Variants in ABCA9 observed in about 807,000 individuals in gnomAD.
The protein encoded by ABCA9 is ATP binding cassette subfamily A member 9, also known as ATP-binding cassette sub-family A member 9.
ABCA9 carries 183 observed loss-of-function variants against 205.3 expected under a neutral mutation model. That is an observed-to-expected ratio of 0.89 (90% CI 0.79 to 1.01). The LOEUF (loss-of-function observed/expected upper bound fraction) is 1.01. Ranked by LOEUF, ABCA9 falls within the 50% of genes least tolerant of loss-of-function variation. The pLI is 0.00. For synonymous variants in ABCA9, 651 were observed against 683.3 expected, an observed-to-expected ratio of 0.95 and a Z score of 0.74; for missense variants, 1,805 against 1,912.4, an observed-to-expected ratio of 0.94 and a Z score of 1.05.
intron 22 of ABCA9, among the ~76,000 whole-genome samples, chr17:69,015,383 CAAG>C (rs370825000): frequency 1.2e-3 from 176 of 152,200 alleles, no homozygotes; most frequent in African/African-American, 4.1e-3. Flanking sequence ...TTCAACATAA[CAAG>C]ATGAAAGAGG....
At chr17:69,007,461 G>A (rs62085384) in intron 25 of ABCA9, among the ~76,000 whole-genome samples, 18 of 152,074 alleles carry the variant, frequency 1.2e-4, no homozygotes, top group South Asian at 2.1e-4. Flanking sequence ...TTACATTTCC[G>A]GTATGTGATC....
the ABCA9 span, among the ~76,000 whole-genome samples, chr17:69,070,476 G>A: frequency 2.0e-5 from 3 of 152,054 alleles, no homozygotes; most frequent in Non-Finnish European, 2.9e-5. Context: ...TGCCTCACCC[G>A]GGAAGAACAA....
intron 11 of ABCA9, among the ~76,000 whole-genome samples, chr17:69,028,945 C>T (rs1027249321): frequency 6.6e-6 from 1 of 151,624 alleles, no homozygotes; most frequent in Non-Finnish European, 1.5e-5. Context: ...TTTCATAATA[C>T]TATCATATAT....
At position 69,024,262 on chromosome 17, in the gene ABCA9, C is replaced by A. The variant is rs897035925; in HGVS notation, c.2233G>T (p.Glu745Ter). Residue 745 changes from glutamate (E) to a stop codon, truncating the protein, a stop_gained, in exon 17 of 39, where the codon GAA (glutamate) becomes TAA (stop). Coordinates refer to ENST00000340001, the MANE Select transcript of ABCA9 (RefSeq NM_080283.4). LOFTEE classifies it high-confidence loss of function. Reference protein sequence around the residue: ...SDAKLTAQSEEKLVYILPLER... With the variant: ...SDAKLTAQSE Reference sequence around the variant, plus strand: ...AAAGGCAAAATATATACAAGTTTTTCTTCACTTTGTGCTGTCAATTTGGCA... The same window carrying A: ...AAAGGCAAAATATATACAAGTTTTTATTCACTTTGTGCTGTCAATTTGGCA... The A allele has an allele frequency of 6.2e-7, 1 of 1,613,074 alleles. No homozygotes were observed. The highest frequency in any genetic ancestry group is 1.3e-5 in the African/African-American group (1 of 74,866).
rs546004891 is a variant in ABCA9 at position 69,020,483 on chromosome 17, T to G, written c.2505A>C (p.Thr835=). 8.2e-5 allele frequency: 133 copies of G among 1,613,988 alleles called. No individual in the cohort carries two copies. The highest frequency in any genetic ancestry group is 6.3e-4 in the Admixed American group (38 of 59,984). The change falls in exon 19 of 39, where the codon ACA becomes ACC. Residue 835 remains threonine, a synonymous_variant. Transcript: ENST00000340001. ...GCCTCCAGAGCGCCACGCCACTGAT[T>G]GTTTTCCTTGTTTCGTGGAAGGAAG... The part of the protein sequence containing the change: ...VLSSFHETRK[T]ISGVALWRQQ...
At chr17:69,039,661 T>C (rs1452090609) in intron 6 of ABCA9, among the ~76,000 whole-genome samples, 1 of 152,100 alleles carries the variant, frequency 6.6e-6, no homozygotes, top group East Asian at 1.9e-4. Context: ...ACTTCATGAC[T>C]AAAACACTGA....
upstream of ABCA9, among the ~76,000 whole-genome samples, chr17:69,061,687 T>G (rs1490645433): frequency 6.6e-6 from 1 of 152,250 alleles, no homozygotes; most frequent in Non-Finnish European, 1.5e-5. Context: ...AATTTTAGTA[T>G]GTCCTGCTTT....
chr17:68,999,121 TTTATTA>T (rs527773332), intron 25 of ABCA9, among the ~76,000 whole-genome samples: 181 of 148,322 alleles, frequency 1.2e-3, no homozygotes, highest in African/African-American at 4.5e-3. Flanking sequence ...GGTTTATCTT[TTTATTA>T]TTATTATTAT....
At chr17:68,985,944 GA>G (rs367959968) in intron 32 of ABCA9, among the ~76,000 whole-genome samples, 2,501 of 146,818 alleles carry the variant, frequency 0.017, 69 homozygotes, top group African/African-American at 0.058. Flanking sequence ...CGTCTCAAAA[GA>G]AAAAAAAAGG....
intron 22 of ABCA9, among the ~76,000 whole-genome samples, chr17:69,013,020 T>C (rs1321853839): frequency 6.6e-6 from 1 of 152,196 alleles, no homozygotes; most frequent in African/African-American, 2.4e-5. Flanking sequence ...GATCTCCAGT[T>C]CCATCTACGT....
At position 69,045,342 on chromosome 17, in the gene ABCA9, A is replaced by G. The variant is rs2071676390; in HGVS notation, c.305-6T>C. ...CCACCCCATGATTGTTCTTCCTGCC[A>G]TGTGAAGAAAACAAAAGAAATAGTT... On this transcript the variant is annotated splice_polypyrimidine_tract_variant and splice_region_variant and intron_variant, in intron 3 of 38. Transcript: ENST00000340001. The G allele has an allele frequency of 3.7e-6, 6 of 1,604,326 alleles. No individual in the cohort carries two copies. Among genetic ancestry groups the G allele is most frequent in the Non-Finnish European group, 5.1e-6 (6 of 1,174,908 alleles).
chr17:69,026,525 C>A (rs2144331105), intron 15 of ABCA9, 58 bp from the exon 16 acceptor site: 1 of 1,356,456 alleles, frequency 7.4e-7, no homozygotes. Context: ...TTACTATTCA[C>A]AAAACACAAA....
chr17:69,067,097 T>A, the ABCA9 span, among the ~76,000 whole-genome samples: 1 of 152,124 alleles, frequency 6.6e-6, no homozygotes, highest in African/African-American at 2.4e-5. Flanking sequence ...GAGTTACTCA[T>A]ACCTAAGACA....
intron 16 of ABCA9, 58 bp downstream of exon 16, chr17:69,026,319 C>T: frequency 7.2e-7 from 1 of 1,386,490 alleles, no homozygotes; most frequent in Non-Finnish European, 1.0e-6. Context: ...ATGCTGATAC[C>T]ACCTGCCTCC....
At chr17:69,036,585 T>G (rs903495233) in intron 6 of ABCA9, among the ~76,000 whole-genome samples, 8 of 151,738 alleles carry the variant, frequency 5.3e-5, no homozygotes, top group Admixed American at 2.0e-4. Flanking sequence ...CAAGCCAAAA[T>G]ATAAAGACCA....
the ABCA9 span, among the ~76,000 whole-genome samples, chr17:69,070,382 A>G: frequency 9.9e-5 from 15 of 152,106 alleles, no homozygotes; most frequent in Non-Finnish European, 1.3e-4. Context: ...TGCATTTCCA[A>G]CTGAGGTACC....
chr17:68,997,561 T>C (rs2144081215), intron 25 of ABCA9, among the ~76,000 whole-genome samples: 1 of 151,564 alleles, frequency 6.6e-6, no homozygotes, highest in South Asian at 2.1e-4. Flanking sequence ...TCCTCTTTCA[T>C]GTGGCTGTAA....
At chr17:69,075,301 G>C in the ABCA9 span, among the ~76,000 whole-genome samples, 1 of 152,086 alleles carries the variant, frequency 6.6e-6, no homozygotes, top group African/African-American at 2.4e-5. Flanking sequence ...TGAGGACTTA[G>C]TCATAAATTC....
At position 68,989,047 on chromosome 17, in the gene ABCA9, T is replaced by C. The variant is rs764081085; in HGVS notation, c.4027A>G (p.Thr1343Ala). 2.4e-5 allele frequency: 39 copies of C among 1,612,498 alleles called. No homozygotes were observed. The highest frequency in any genetic ancestry group is 5.9e-6 in the Non-Finnish European group (7 of 1,178,732). ...STTIKMITGD[T>A]KPTAGQVILK... Reference sequence around the variant, plus strand: ...CTGACCTGTCCTGCAGTTGGTTTTGTGTCTCCAGTTATCATCTTAATAGTT... The same window carrying C: ...CTGACCTGTCCTGCAGTTGGTTTTGCGTCTCCAGTTATCATCTTAATAGTT... Residue 1343 changes from threonine to alanine, a missense_variant, in exon 31 of 39, where the codon ACA (threonine) becomes GCA (alanine). Thr to Ala is a moderately conservative substitution (Grantham distance 58, BLOSUM62 0). Coordinates refer to ENST00000340001, the MANE Select transcript of ABCA9 (RefSeq NM_080283.4).
Sources: gnomAD v4.1 joint callset for allele counts (sites outside exome capture counted in the v4.1 genomes callset) on GRCh38, gnomAD v4.1.1 for gene constraint, MANE v1.5 for transcripts, NCBI Gene and HGNC (gene_info 2026-07-23, HGNC 2026-07-21) for gene names.